The following ARHGEF4 variants were observed in gnomAD, a reference collection of about 807,000 sequenced individuals.
ARHGEF4 encodes the protein APC-stimulated guanine nucleotide exchange factor 1.
In ARHGEF4, 119 loss-of-function variants were observed where a neutral mutation model predicts 162.0. The observed-to-expected ratio is 0.73, with a 90% CI of 0.63 to 0.86. The LOEUF (loss-of-function observed/expected upper bound fraction) is 0.86, where lower values mean the gene tolerates loss of function less well. Ranked by LOEUF, ARHGEF4 falls within the 40% of genes least tolerant of loss-of-function variation. The pLI is 0.00. For missense variants in ARHGEF4, 2,488 were observed against 2,456.0 expected, an observed-to-expected ratio of 1.01 and a Z score of -0.28; for synonymous variants, 1,014 against 979.9, an observed-to-expected ratio of 1.03 and a Z score of -0.65.
In ARHGEF4 at chr2:130,915,150, G is replaced by C; in HGVS notation, c.1204G>C (p.Gly402Arg). Residue 402 changes from glycine to arginine, a missense_variant, in exon 2 of 14, where the codon GGT becomes CGT. Coordinates refer to ENST00000409359, the MANE Select transcript of ARHGEF4 (RefSeq NM_001367493.1). Reference protein sequence around the residue: ...AFQSGAPHLQGPCKPGGFRLQ... With the variant: ...AFQSGAPHLQRPCKPGGFRLQ... ...TCAGAGTGGGGCTCCCCATCTGCAG[G>C]GTCCCTGCAAGCCTGGTGGGTTTCG... The C allele has an allele frequency of 6.4e-7, 1 of 1,550,608 alleles. No homozygotes were observed. Among genetic ancestry groups the C allele is most frequent in the Admixed American group, 2.0e-5 (1 of 51,006 alleles).
intron 1 of ARHGEF4, among the ~76,000 whole-genome samples, chr2:130,857,219 G>A (rs1357620658): frequency 6.6e-6 from 1 of 151,366 alleles, no homozygotes; most frequent in Non-Finnish European, 1.5e-5. Context: ...GCGACAGAGC[G>A]AGACTCCATC....
intron 4 of ARHGEF4, chr2:130,964,295 G>A (rs912145690): frequency 7.1e-6 from 7 of 981,910 alleles, no homozygotes; most frequent in Non-Finnish European, 8.5e-6. Flanking sequence ...TCCGCGCCCG[G>A]GTCTGTGCTC....
chr2:130,982,522 T>C (rs574435702), intron 4 of ARHGEF4, among the ~76,000 whole-genome samples: 1 of 152,226 alleles, frequency 6.6e-6, no homozygotes, highest in East Asian at 1.9e-4. Context: ...CTGGGCTTTC[T>C]GTTCAGTCCC....
intron 1 of ARHGEF4, among the ~76,000 whole-genome samples, chr2:130,904,309 T>C (rs1680683071): frequency 6.6e-6 from 1 of 152,204 alleles, no homozygotes; most frequent in African/African-American, 2.4e-5. Context: ...TGAGGAGTAA[T>C]TTTTTATTTA....
intron 4 of ARHGEF4, among the ~76,000 whole-genome samples, chr2:130,974,048 T>G (rs114706592): frequency 0.019 from 2,845 of 151,344 alleles, 87 homozygotes; most frequent in African/African-American, 0.064. Flanking sequence ...GTAGGACAGA[T>G]CCCTTGAGTT....
At chr2:130,875,042 T>A (rs1304876839) in intron 1 of ARHGEF4, among the ~76,000 whole-genome samples, 1 of 152,246 alleles carries the variant, frequency 6.6e-6, no homozygotes, top group Non-Finnish European at 1.5e-5. Flanking sequence ...TGGAGTTCTC[T>A]AGTCTGCTAT....
At chr2:131,012,728 A>G (rs1272878720) in intron 4 of ARHGEF4, among the ~76,000 whole-genome samples, 1 of 152,190 alleles carries the variant, frequency 6.6e-6, no homozygotes, top group Non-Finnish European at 1.5e-5. Context: ...TTACAGGCAC[A>G]TGCCAGCAAC....
intron 5 of ARHGEF4, among the ~76,000 whole-genome samples, chr2:131,030,248 T>TA (rs1689759903): frequency 6.6e-6 from 1 of 151,312 alleles, no homozygotes; most frequent in Non-Finnish European, 1.5e-5. Context: ...AGGTGTTTTT[T>TA]TGGGCTCTGA....
At chr2:130,837,980 G>A (rs1185026121) in intron 1 of ARHGEF4, among the ~76,000 whole-genome samples, 1 of 152,242 alleles carries the variant, frequency 6.6e-6, no homozygotes, top group Non-Finnish European at 1.5e-5. Flanking sequence ...GAAGCCAGGT[G>A]ACCCAGGGCA....
chr2:130,871,768 C>T lies in ARHGEF4; in HGVS notation c.39+34776C>T, dbSNP rs192423672. The stretch of plus-strand genomic sequence containing the variant: ...AACCTGGGAAACTCAGGTCCACTCT[C>T]CCCTACACTGGAGACCTTTTGAACC... On this transcript the variant is annotated intron_variant, in intron 1 of 13. Coordinates refer to ENST00000409359, the MANE Select transcript of ARHGEF4 (RefSeq NM_001367493.1). Among the ~76,000 whole-genome samples the T allele has an allele frequency of 3.0e-3, 462 of 152,146 alleles. 2 individuals carry two copies. The highest frequency in any genetic ancestry group is 0.011 in the African/African-American group (444 of 41,498).
At chr2:130,894,704 C>CTA (rs774352754) in intron 1 of ARHGEF4, among the ~76,000 whole-genome samples, 2 of 151,910 alleles carry the variant, frequency 1.3e-5, no homozygotes, top group South Asian at 4.1e-4. Context: ...CTTAACAATA[C>CTA]TATGAGTCAG....
intron 4 of ARHGEF4, among the ~76,000 whole-genome samples, chr2:131,009,600 A>G (rs1022395624): frequency 2.0e-5 from 3 of 152,112 alleles, no homozygotes; most frequent in Middle Eastern, 3.4e-3. Context: ...TCAAGCTGCT[A>G]TTTCTTTCAG....
At chr2:130,953,396 A>G (rs1366365494) in intron 4 of ARHGEF4, among the ~76,000 whole-genome samples, 2 of 152,244 alleles carry the variant, frequency 1.3e-5, no homozygotes, top group Non-Finnish European at 1.5e-5. Flanking sequence ...CACCTTATAC[A>G]ATAATTAATT....
chr2:131,039,173 C>A, intron 6 of ARHGEF4, 141 bp downstream of exon 6: 3 of 1,250,848 alleles, frequency 2.4e-6, no homozygotes, highest in East Asian at 2.6e-5. Flanking sequence ...AGTGTCACAG[C>A]CTTCCTCCTC....
In ARHGEF4 at chr2:130,837,853, G is replaced by A. The variant is rs867467649; in HGVS notation, c.39+861G>A. ...GGAGGCAGACCTGTGTGGGGCTGTCGGGGCGGGAGGGCGGGAGGGCGCCCT... is the reference window on the plus strand; with the variant it reads ...GGAGGCAGACCTGTGTGGGGCTGTCAGGGCGGGAGGGCGGGAGGGCGCCCT... On this transcript the variant is annotated intron_variant, in intron 1 of 13. Transcript: ENST00000409359. Among the ~76,000 whole-genome samples the A allele has an allele frequency of 1.6e-4, 24 of 151,988 alleles. 1 individual carries two copies. Among genetic ancestry groups the A allele is most frequent in the Middle Eastern group, 3.4e-3 (1 of 294 alleles).
intron 6 of ARHGEF4, 171 bp from the exon 7 acceptor site, chr2:131,039,845 T>A (rs1690623702): frequency 7.0e-7 from 1 of 1,426,884 alleles, no homozygotes; most frequent in African/African-American, 1.5e-5. Flanking sequence ...CATTCCTCGG[T>A]CCAGGACTTG....
intron 3 of ARHGEF4, among the ~76,000 whole-genome samples, chr2:130,932,928 A>G (rs1053906631): frequency 6.6e-6 from 1 of 152,142 alleles, no homozygotes; most frequent in African/African-American, 2.4e-5. Context: ...TCAAAAACCA[A>G]CTTACCCGCC....
At chr2:131,044,266 T>C in intron 11 of ARHGEF4, 33 bp from the exon 12 acceptor site, 1 of 1,607,554 alleles carries the variant, frequency 6.2e-7, no homozygotes, top group Non-Finnish European at 8.5e-7. Context: ...GGGGAGCGGT[T>C]CAGCAGCCAG....
At chr2:130,903,693 C>T (rs533667208) in intron 1 of ARHGEF4, among the ~76,000 whole-genome samples, 1 of 152,160 alleles carries the variant, frequency 6.6e-6, no homozygotes, top group African/African-American at 2.4e-5. Context: ...ACCCTTGCTC[C>T]TCTCCCCCAA....
Sources: gnomAD v4.1 joint callset for allele counts (sites outside exome capture counted in the v4.1 genomes callset) on GRCh38, gnomAD v4.1.1 for gene constraint, MANE v1.5 for transcripts, NCBI Gene and HGNC (gene_info 2026-07-23, HGNC 2026-07-21) for gene names.